The following EXOC2 variants were observed in gnomAD, a reference collection of about 807,000 sequenced individuals.
EXOC2 encodes SEC5-like 1.
Under a neutral mutation model 131.8 loss-of-function variants are expected in EXOC2, and 70 were observed. The observed-to-expected ratio is 0.53, with a 90% CI of 0.44 to 0.65. The LOEUF (loss-of-function observed/expected upper bound fraction) is 0.65. Ranked by LOEUF, EXOC2 falls within the 30% of genes least tolerant of loss-of-function variation. The probability of loss-of-function intolerance (pLI) is 0.00; values close to 1 mark genes in which losing one functional copy is unlikely to be tolerated. For missense variants in EXOC2, 923 were observed against 1,108.6 expected (o/e 0.83, Z 2.38); for synonymous variants, 411 against 398.4 (o/e 1.03, Z -0.38).
intron 11 of EXOC2, among the ~76,000 whole-genome samples, chr6:587,918 T>C (rs1759308574): frequency 6.6e-6 from 1 of 152,220 alleles, no homozygotes; most frequent in Admixed American, 6.5e-5. Context: ...ACATACTGAA[T>C]TAATTATGGA....
intron 11 of EXOC2, among the ~76,000 whole-genome samples, chr6:578,148 A>T (rs1043931217): frequency 6.6e-6 from 1 of 152,210 alleles, no homozygotes; most frequent in Non-Finnish European, 1.5e-5. Context: ...AGTGACTGAC[A>T]CTAAAAAATA....
chr6:645,429 A>G (rs1762536931), intron 1 of EXOC2, among the ~76,000 whole-genome samples: 1 of 152,184 alleles, frequency 6.6e-6, no homozygotes, highest in South Asian at 2.1e-4. Flanking sequence ...AAAACACTAA[A>G]TTTTCTGACT....
chr6:531,198 G>A (rs1329843020), intron 23 of EXOC2, among the ~76,000 whole-genome samples: 5 of 152,246 alleles, frequency 3.3e-5, no homozygotes, highest in African/African-American at 1.2e-4. Context: ...GAGTCCAGCT[G>A]GAGAGGGGCT....
At chr6:626,698 TCTC>T (rs1761587995) in intron 4 of EXOC2, among the ~76,000 whole-genome samples, 1 of 152,030 alleles carries the variant, frequency 6.6e-6, no homozygotes, top group East Asian at 1.9e-4. Flanking sequence ...TTCAAGTGAT[TCTC>T]CTGCCTCAGC....
intron 25 of EXOC2, among the ~76,000 whole-genome samples, chr6:495,271 G>A (rs1415031731): frequency 1.3e-5 from 2 of 151,848 alleles, no homozygotes; most frequent in Non-Finnish European, 2.9e-5. Context: ...GACTACAGGC[G>A]CCCGCCACCG....
At chr6:562,663 A>T in intron 17 of EXOC2, 121 bp downstream of exon 17, 1 of 565,040 alleles carries the variant, frequency 1.8e-6, no homozygotes, top group Non-Finnish European at 2.8e-6. Context: ...GAAAACCTTT[A>T]AGAAGCTTCT....
At chr6:546,139 A>G (rs1340374043) in intron 22 of EXOC2, among the ~76,000 whole-genome samples, 2 of 152,054 alleles carry the variant, frequency 1.3e-5, no homozygotes, top group African/African-American at 4.8e-5. Context: ...TAGACTTCCC[A>G]ATATTTTTTC....
chr6:620,413 G>T (rs1285403400), intron 4 of EXOC2, among the ~76,000 whole-genome samples: 4 of 152,206 alleles, frequency 2.6e-5, no homozygotes, highest in Admixed American at 2.6e-4. Flanking sequence ...TGTCTCGCAT[G>T]TTGGTCTCCA....
At chr6:603,851 C>A (rs1331824153) in intron 7 of EXOC2, among the ~76,000 whole-genome samples, 1 of 152,144 alleles carries the variant, frequency 6.6e-6, no homozygotes, top group African/African-American at 2.4e-5. Context: ...GAGCGTAAGA[C>A]CAATCCTTAA....
chr6:659,718 G>C (rs966438724), intron 1 of EXOC2, among the ~76,000 whole-genome samples: 1 of 152,198 alleles, frequency 6.6e-6, no homozygotes, highest in Non-Finnish European at 1.5e-5. Flanking sequence ...AGCTCACTGT[G>C]TCCCCTTGCA....
At position 570,078 on chromosome 6, in the gene EXOC2, T is replaced by C. The variant is rs1758182929; in HGVS notation, c.1443+2442A>G. Among the ~76,000 whole-genome samples the C allele has an allele frequency of 2.6e-5, 4 of 152,042 alleles. No individual in the cohort carries two copies. The South Asian group carries it at 8.3e-4, about 31-fold the overall frequency. ...ACTGATGCAAATGAGGGAAAAACAC[T>C]TGGCTGGAAACAAACACTACGGCTT... On this transcript the variant is annotated intron_variant, in intron 13 of 27. Coordinates refer to ENST00000230449, the MANE Select transcript of EXOC2 (RefSeq NM_018303.6).
rs557556623 is a variant in EXOC2, at chr6:576,655, A to C, written c.1318+102T>G. ...GCGATGATGGCTGATAATACTTAGC[A>C]CCAGTATCAACACAAATTGGGGAAT... On this transcript the variant is annotated intron_variant, in intron 12 of 27. Transcript: ENST00000230449. 4 of 1,394,938 alleles carry C rather than the reference A, an allele frequency of 2.9e-6. No homozygotes were observed. In the East Asian group the frequency reaches 9.4e-5, roughly 33 times the overall value. The allele number at this position is 1,394,938 out of a possible 1,614,324, so 86.4% of individuals were successfully genotyped here.
At chr6:648,157 C>A (rs1366189632) in intron 1 of EXOC2, among the ~76,000 whole-genome samples, 1 of 152,116 alleles carries the variant, frequency 6.6e-6, no homozygotes, top group Non-Finnish European at 1.5e-5. Flanking sequence ...ACAGTGCCTG[C>A]GACATAATAT....
intron 7 of EXOC2, among the ~76,000 whole-genome samples, chr6:605,696 T>G (rs1215482964): frequency 6.6e-6 from 1 of 152,238 alleles, no homozygotes; most frequent in Non-Finnish European, 1.5e-5. Flanking sequence ...TGTGTCTCTA[T>G]CTCCTTCAAT....
intron 23 of EXOC2, among the ~76,000 whole-genome samples, chr6:507,816 C>A (rs1228725812): frequency 6.6e-6 from 1 of 152,150 alleles, no homozygotes; most frequent in African/African-American, 2.4e-5. Flanking sequence ...TCTTCTTCTT[C>A]TTAATAATTT....
chr6:666,210 G>A (rs1763638278), intron 1 of EXOC2, among the ~76,000 whole-genome samples: 1 of 152,188 alleles, frequency 6.6e-6, no homozygotes, highest in African/African-American at 2.4e-5. Context: ...ATTTTTAGCT[G>A]TAACTCCTTA....
At chr6:502,677 G>GA (rs35601508) in intron 23 of EXOC2, among the ~76,000 whole-genome samples, 12,091 of 149,086 alleles carry the variant, frequency 0.081, 640 homozygotes, top group South Asian at 0.26. Context: ...AGAAAATTTG[G>GA]AAAAAAAAAA....
At chr6:653,360 A>G (rs2127741772) in intron 1 of EXOC2, among the ~76,000 whole-genome samples, 1 of 152,362 alleles carries the variant, frequency 6.6e-6, no homozygotes, top group South Asian at 2.1e-4. Flanking sequence ...CTGTGAATGC[A>G]AAGGAAAAAT....
At chr6:573,709 ATAAT>A (rs1758419613) in intron 12 of EXOC2, among the ~76,000 whole-genome samples, 1 of 151,776 alleles carries the variant, frequency 6.6e-6, no homozygotes, top group Non-Finnish European at 1.5e-5. Context: ...AATTGTATTA[ATAAT>A]TTATTAATGA....
Sources: gnomAD v4.1 joint callset for allele counts (sites outside exome capture counted in the v4.1 genomes callset) on GRCh38, gnomAD v4.1.1 for gene constraint, MANE v1.5 for transcripts, NCBI Gene and HGNC (gene_info 2026-07-23, HGNC 2026-07-21) for gene names.